Variants in GLDC observed in about 807,000 individuals in gnomAD.
GLDC encodes glycine decarboxylase.
A neutral mutation model predicts 121.3 loss-of-function variants in GLDC; 104 were observed. The observed-to-expected ratio is 0.86, with a 90% CI of 0.73 to 1.01. GLDC has a LOEUF of 1.01. Among genes scored for constraint, GLDC ranks in the 50% least tolerant of loss-of-function variants. The probability of loss-of-function intolerance (pLI) is 0.00; values close to 1 mark genes in which losing one functional copy is unlikely to be tolerated. For synonymous variants in GLDC, 546 were observed against 480.6 expected, an observed-to-expected ratio of 1.14 and a Z score of -1.78; for missense variants, 1,429 against 1,306.6, an observed-to-expected ratio of 1.09 and a Z score of -1.44.
At chr9:6,586,271 G>C (rs935590081) in intron 15 of GLDC, among the ~76,000 whole-genome samples, 2 of 151,902 alleles carry the variant, frequency 1.3e-5, no homozygotes, top group Non-Finnish European at 2.9e-5. Flanking sequence ...CTCCAGCCTG[G>C]GCAACAAGAG....
intron 3 of GLDC, among the ~76,000 whole-genome samples, chr9:6,616,529 C>T (rs187228908): frequency 5.3e-5 from 8 of 152,260 alleles, no homozygotes; most frequent in African/African-American, 1.9e-4. Context: ...AGCCTTGGAT[C>T]TGAGAGATGA....
chr9:6,575,365 C>G (rs1039993727), intron 15 of GLDC, among the ~76,000 whole-genome samples: 35 of 152,316 alleles, frequency 2.3e-4, no homozygotes, highest in African/African-American at 8.4e-4. Flanking sequence ...GTCCAAGAAC[C>G]TCTGGTAAAC....
chr9:6,555,283 C>T (rs572194134), intron 18 of GLDC, among the ~76,000 whole-genome samples: 1 of 152,322 alleles, frequency 6.6e-6, no homozygotes, highest in East Asian at 1.9e-4. Flanking sequence ...GAAGGCAAGG[C>T]TCGCAGTCTT....
At chr9:6,590,722 G>A (rs1818359347) in intron 11 of GLDC, among the ~76,000 whole-genome samples, 1 of 152,090 alleles carries the variant, frequency 6.6e-6, no homozygotes. Context: ...CTAAAATAAT[G>A]GCCCTCTTGA....
intron 21 of GLDC, among the ~76,000 whole-genome samples, chr9:6,545,185 T>C (rs1262814531): frequency 6.6e-6 from 1 of 152,198 alleles, no homozygotes; most frequent in Non-Finnish European, 1.5e-5. Context: ...CATGCATCAC[T>C]TAATGAAGGG....
chr9:6,635,820 A>C (rs954753921), intron 2 of GLDC, among the ~76,000 whole-genome samples: 1 of 152,172 alleles, frequency 6.6e-6, no homozygotes, highest in African/African-American at 2.4e-5. Context: ...GGTTGCACAG[A>C]GCTGTGATCA....
At chr9:6,581,195 G>T (rs1818164644) in intron 15 of GLDC, among the ~76,000 whole-genome samples, 1 of 152,198 alleles carries the variant, frequency 6.6e-6, no homozygotes, top group East Asian at 1.9e-4. Flanking sequence ...GGGCAACGAA[G>T]GAGCAGTTGG....
chr9:6,590,825 C>T (rs1563850426), intron 11 of GLDC, among the ~76,000 whole-genome samples: 2 of 152,196 alleles, frequency 1.3e-5, no homozygotes, highest in Admixed American at 1.3e-4. Context: ...AAGGAGCTAA[C>T]TCAGTCCTGT....
chr9:6,582,577 CCCAG>C (rs1818191594), intron 15 of GLDC, among the ~76,000 whole-genome samples: 2 of 151,818 alleles, frequency 1.3e-5, no homozygotes, highest in African/African-American at 4.8e-5. Context: ...CGCCTGTAAT[CCCAG>C]CACTTTGAGA....
In GLDC at chr9:6,617,938, T is replaced by C. The variant is rs189045005; in HGVS notation, c.470+2246A>G. ...CATTCCCTTAAGTAAAGTTGGTTTT[T>C]ACATATGTTAATCTAAAAGCCAATC... On this transcript the variant is annotated intron_variant, in intron 3 of 24. Coordinates refer to ENST00000321612, the MANE Select transcript of GLDC (RefSeq NM_000170.3). 1.9e-3 allele frequency among the ~76,000 whole-genome samples: 287 copies of C among 152,374 alleles called. 2 individuals are homozygous for C. The highest frequency in any genetic ancestry group is 0.01 in the Middle Eastern group (3 of 294).
chr9:6,600,060 T>C (rs1818572858), intron 8 of GLDC, among the ~76,000 whole-genome samples: 1 of 152,088 alleles, frequency 6.6e-6, no homozygotes, highest in Non-Finnish European at 1.5e-5. Flanking sequence ...TCTCTGACAC[T>C]TCATGGAAGA....
chr9:6,596,155 C>G (rs893300778), intron 8 of GLDC, among the ~76,000 whole-genome samples: 2 of 152,168 alleles, frequency 1.3e-5, no homozygotes, highest in East Asian at 3.9e-4. Flanking sequence ...ACACTGTGCC[C>G]AAATGCTCAT....
At chr9:6,539,346 G>C (rs538736661) in intron 22 of GLDC, among the ~76,000 whole-genome samples, 5 of 152,174 alleles carry the variant, frequency 3.3e-5, no homozygotes, top group African/African-American at 1.2e-4. Flanking sequence ...GGGTATGGTG[G>C]TGTGCACCTG....
At chr9:6,605,031 A>G (rs1425238065) in intron 6 of GLDC, 100 bp downstream of exon 6, 9 of 1,194,738 alleles carry the variant, frequency 7.5e-6, no homozygotes, top group South Asian at 4.9e-5. Context: ...TGATAATGGT[A>G]AAGAAATTAA....
intron 16 of GLDC, among the ~76,000 whole-genome samples, chr9:6,561,676 G>C (rs1817762905): frequency 6.6e-6 from 1 of 152,042 alleles, no homozygotes; most frequent in Non-Finnish European, 1.5e-5. Context: ...TTGTTGTGAG[G>C]GATATGGAAG....
chr9:6,579,956 C>A (rs529429175), intron 15 of GLDC, among the ~76,000 whole-genome samples: 1 of 152,318 alleles, frequency 6.6e-6, no homozygotes, highest in African/African-American at 2.4e-5. Context: ...AACCAGTCTG[C>A]AAGCTGTCAG....
chr9:6,571,756 A>C (rs1265308532), intron 15 of GLDC, among the ~76,000 whole-genome samples: 1 of 152,242 alleles, frequency 6.6e-6, no homozygotes, highest in African/African-American at 2.4e-5. Context: ...TTTCCATTTA[A>C]TATTTTTGAG....
intron 3 of GLDC, among the ~76,000 whole-genome samples, chr9:6,616,313 A>C (rs909644114): frequency 1.3e-5 from 2 of 152,194 alleles, no homozygotes; most frequent in Non-Finnish European, 2.9e-5. Flanking sequence ...TTTCTCTCTC[A>C]ATCCTTTCAT....
At chr9:6,551,803 A>T (rs770421013) in intron 20 of GLDC, among the ~76,000 whole-genome samples, 26 of 152,162 alleles carry the variant, frequency 1.7e-4, no homozygotes, top group Admixed American at 1.5e-3. Context: ...GTCATCTGGG[A>T]GTGGATGTAG....
Sources: allele counts gnomAD v4.1 joint callset (sites outside exome capture counted in the v4.1 genomes callset), GRCh38; gene constraint gnomAD v4.1.1; transcripts MANE v1.5; gene names NCBI Gene and HGNC (gene_info 2026-07-23, HGNC 2026-07-21).